The following KCNH8 variants were observed in gnomAD, a reference collection of about 807,000 sequenced individuals.
KCNH8 encodes the protein voltage-gated delayed rectifier potassium channel KCNH8.
KCNH8 carries 70 observed loss-of-function variants against 103.6 expected under a neutral mutation model. The observed-to-expected ratio is 0.68, with a 90% confidence interval of 0.56 to 0.82. KCNH8 has a LOEUF of 0.82. Among genes scored for constraint, KCNH8 ranks in the 40% least tolerant of loss-of-function variants. The pLI, the probability that KCNH8 is intolerant of heterozygous loss-of-function variation, is 0.00. For synonymous variants in KCNH8, 498 were observed against 489.4 expected (o/e 1.02, Z -0.23); for missense variants, 1,217 against 1,329.9 (o/e 0.92, Z 1.32).
intron 2 of KCNH8, among the ~76,000 whole-genome samples, chr3:19,269,813 A>G (rs963206385): frequency 1.3e-5 from 2 of 152,090 alleles, no homozygotes; most frequent in Non-Finnish European, 1.5e-5. Flanking sequence ...GGCCAACCCT[A>G]TTTTTCAAGT....
chr3:19,205,019 A>C (rs1239300539), intron 1 of KCNH8, among the ~76,000 whole-genome samples: 1 of 151,946 alleles, frequency 6.6e-6, no homozygotes, highest in African/African-American at 2.4e-5. Flanking sequence ...AAGAAACCAA[A>C]ATAGAGATCA....
intron 15 of KCNH8, among the ~76,000 whole-genome samples, chr3:19,521,159 G>A (rs1461450304): frequency 6.6e-6 from 1 of 151,994 alleles, no homozygotes; most frequent in African/African-American, 2.4e-5. Flanking sequence ...AGGTTAGAGT[G>A]CATTCTCATT....
At chr3:19,201,278 G>C (rs1384843840) in intron 1 of KCNH8, among the ~76,000 whole-genome samples, 1 of 86,160 alleles carries the variant, frequency 1.2e-5, no homozygotes, top group East Asian at 3.7e-4. Flanking sequence ...GAAAATTATA[G>C]TAAATACTTA....
At chr3:19,232,341 C>T (rs1180503452) in intron 1 of KCNH8, among the ~76,000 whole-genome samples, 1 of 152,128 alleles carries the variant, frequency 6.6e-6, no homozygotes, top group Admixed American at 6.5e-5. Context: ...GAAAATCCCT[C>T]AACATTTTCA....
At chr3:19,514,861 T>C (rs187442886) in intron 13 of KCNH8, among the ~76,000 whole-genome samples, 35 of 151,938 alleles carry the variant, frequency 2.3e-4, no homozygotes, top group African/African-American at 8.4e-4. Flanking sequence ...TGAGAATAAG[T>C]AAAAGAGCCT....
At chr3:19,429,359 A>G (rs1434296335) in intron 7 of KCNH8, among the ~76,000 whole-genome samples, 1 of 151,816 alleles carries the variant, frequency 6.6e-6, no homozygotes, top group Non-Finnish European at 1.5e-5. Flanking sequence ...TATTTTTAGT[A>G]GAGACAGGGT....
At chr3:19,418,639 G>C (rs563791860) in intron 7 of KCNH8, among the ~76,000 whole-genome samples, 1 of 152,312 alleles carries the variant, frequency 6.6e-6, no homozygotes, top group Admixed American at 6.5e-5. Flanking sequence ...ATACCAAAAT[G>C]ATGGGTTGGC....
chr3:19,530,775 A>G lies in KCNH8; in HGVS notation c.2620-2620A>G, dbSNP rs540051399. On this transcript the variant is annotated intron_variant, in intron 15 of 15. Coordinates refer to ENST00000328405, the MANE Select transcript of KCNH8 (RefSeq NM_144633.3). ...AAATCTCTCAATGCTTTCTTAAGCAATATTTCTTTTTCTACATGATAATAT... is the reference window on the plus strand; with the variant it reads ...AAATCTCTCAATGCTTTCTTAAGCAGTATTTCTTTTTCTACATGATAATAT... Among the ~76,000 whole-genome samples the G allele has an allele frequency of 3.9e-5, 6 of 152,308 alleles. No individual in the cohort carries two copies. The South Asian group carries it at 1.2e-3, about 32-fold the overall frequency.
At chr3:19,408,001 T>C (rs1157906436) in intron 7 of KCNH8, among the ~76,000 whole-genome samples, 1 of 152,024 alleles carries the variant, frequency 6.6e-6, no homozygotes, top group African/African-American at 2.4e-5. Flanking sequence ...AGCCCTACCC[T>C]TCATGGCTCC....
intron 5 of KCNH8, among the ~76,000 whole-genome samples, chr3:19,355,139 T>A (rs903790047): frequency 3.9e-5 from 6 of 152,090 alleles, no homozygotes; most frequent in Non-Finnish European, 7.4e-5. Flanking sequence ...AAAATGCTCA[T>A]CATCACTGGA....
intron 5 of KCNH8, among the ~76,000 whole-genome samples, chr3:19,357,217 A>G (rs1329434876): frequency 6.6e-6 from 1 of 151,886 alleles, no homozygotes; most frequent in Non-Finnish European, 1.5e-5. Context: ...TGATAAAAAA[A>G]AAGAAACACA....
chr3:19,268,558 A>G (rs1459544341), intron 2 of KCNH8, among the ~76,000 whole-genome samples: 1 of 152,132 alleles, frequency 6.6e-6, no homozygotes, highest in Non-Finnish European at 1.5e-5. Context: ...AGTGCAGTCA[A>G]AGTGTTTTAA....
At chr3:19,160,936 C>A (rs561919244) in intron 1 of KCNH8, among the ~76,000 whole-genome samples, 1 of 151,896 alleles carries the variant, frequency 6.6e-6, no homozygotes. Context: ...GCTAGTGATT[C>A]GGCACCACCA....
intron 15 of KCNH8, among the ~76,000 whole-genome samples, chr3:19,522,378 TGAC>T (rs1284000156): frequency 6.6e-6 from 1 of 151,374 alleles, no homozygotes; most frequent in African/African-American, 2.4e-5. Flanking sequence ...CAAAAAGAGC[TGAC>T]TTTTTTTTTT....
intron 3 of KCNH8, among the ~76,000 whole-genome samples, chr3:19,339,046 G>A (rs981633491): frequency 6.6e-6 from 1 of 152,058 alleles, no homozygotes; most frequent in East Asian, 1.9e-4. Context: ...TTGCTGTCAG[G>A]AATATTACAG....
intron 7 of KCNH8, among the ~76,000 whole-genome samples, chr3:19,423,636 T>TTGTGTG (rs149629798): frequency 3.3e-4 from 50 of 149,832 alleles, no homozygotes; most frequent in South Asian, 6.3e-4. Flanking sequence ...TAATATTCCA[T>TTGTGTG]TGTGTGTGTG....
intron 3 of KCNH8, among the ~76,000 whole-genome samples, chr3:19,338,394 TACC>T (rs904261298): frequency 6.6e-6 from 1 of 151,948 alleles, no homozygotes; most frequent in Non-Finnish European, 1.5e-5. Context: ...GTTTGTTCCC[TACC>T]ACCACCACCA....
intron 3 of KCNH8, among the ~76,000 whole-genome samples, chr3:19,326,308 C>T (rs56256260): frequency 0.11 from 15,880 of 148,894 alleles, 977 homozygotes; most frequent in East Asian, 0.18. Flanking sequence ...ACACATTTAC[C>T]TATGTAACAA....
intron 8 of KCNH8, among the ~76,000 whole-genome samples, chr3:19,444,920 G>A (rs1350611020): frequency 1.3e-5 from 2 of 151,880 alleles, no homozygotes; most frequent in Non-Finnish European, 2.9e-5. Context: ...ATACAACTTT[G>A]TCAACATCTA....
Sources: allele counts gnomAD v4.1 joint callset (sites outside exome capture counted in the v4.1 genomes callset), GRCh38; gene constraint gnomAD v4.1.1; transcripts MANE v1.5; gene names NCBI Gene and HGNC (gene_info 2026-07-23, HGNC 2026-07-21).